The following LDLRAD3 variants were observed in gnomAD, a reference collection of about 807,000 sequenced individuals.
LDLRAD3 encodes the protein low density lipoprotein receptor class A domain containing 3.
Under a neutral mutation model 29.4 loss-of-function variants are expected in LDLRAD3, and 20 were observed. The observed-to-expected ratio is 0.68, with a 90% confidence interval of 0.48 to 0.99. The LOEUF (loss-of-function observed/expected upper bound fraction) is 0.99. Ranked by LOEUF, LDLRAD3 falls within the 50% of genes least tolerant of loss-of-function variation. The pLI, the probability that LDLRAD3 is intolerant of heterozygous loss-of-function variation, is 0.00. For synonymous variants in LDLRAD3, 157 were observed against 192.7 expected (o/e 0.81, Z 1.53); for missense variants, 420 against 454.3 (o/e 0.92, Z 0.69).
intron 1 of LDLRAD3, among the ~76,000 whole-genome samples, chr11:35,985,725 G>A (rs1490436862): frequency 1.3e-5 from 2 of 152,120 alleles, no homozygotes; most frequent in Non-Finnish European, 2.9e-5. Context: ...ATAAAGAGCA[G>A]TTCCCCTACA....
rs3080139 is a variant in LDLRAD3 at position 36,030,435 on chromosome 11, AGTGTGTGTGTGT to A, written c.47-5639_47-5628del. On this transcript the variant is annotated intron_variant, in intron 1 of 5. Coordinates refer to ENST00000315571, the MANE Select transcript of LDLRAD3 (RefSeq NM_174902.4). The stretch of plus-strand genomic sequence containing the variant: ...CTCACTGGCCTGTGCCTGTGCATGG[AGTGTGTGTGTGT>A]GTGTGTGTGTGTGTGTGTGTGTGTG... Among the ~76,000 whole-genome samples, 235 of 147,778 alleles carry A rather than the reference AGTGTGTGTGTGT, an allele frequency of 1.6e-3. 1 individual carries two copies. In the Middle Eastern group the frequency reaches 0.021, roughly 13 times the overall value.
chr11:35,971,523 A>C (rs759249561), intron 1 of LDLRAD3, among the ~76,000 whole-genome samples: 7 of 152,172 alleles, frequency 4.6e-5, no homozygotes, highest in Admixed American at 2.0e-4. Flanking sequence ...ATGCACATAC[A>C]CAGAGGAAGG....
intron 1 of LDLRAD3, among the ~76,000 whole-genome samples, chr11:35,990,143 C>A (rs375019887): frequency 6.6e-6 from 1 of 152,126 alleles, no homozygotes; most frequent in African/African-American, 2.4e-5. Context: ...TTTGAAAATG[C>A]CCAGCTCTCA....
chr11:35,976,304 T>C (rs1283690443), intron 1 of LDLRAD3, among the ~76,000 whole-genome samples: 1 of 152,112 alleles, frequency 6.6e-6, no homozygotes, highest in East Asian at 1.9e-4. Context: ...GGCATAGTTG[T>C]AGGGATTAGT....
intron 4 of LDLRAD3, among the ~76,000 whole-genome samples, chr11:36,145,060 G>A (rs1180593114): frequency 9.3e-6 from 1 of 107,458 alleles, no homozygotes; most frequent in Non-Finnish European, 2.0e-5. Flanking sequence ...CTACTGGGAA[G>A]AGAGGAGCCC....
intron 4 of LDLRAD3, among the ~76,000 whole-genome samples, chr11:36,172,243 G>A (rs1250215599): frequency 1.3e-5 from 2 of 152,038 alleles, no homozygotes; most frequent in Admixed American, 6.6e-5. Flanking sequence ...GAGTCTTTAG[G>A]GTTTTTTAGG....
In LDLRAD3 at chr11:35,989,010, G is replaced by A. The variant is rs894261595; in HGVS notation, c.46+44866G>A. The stretch of plus-strand genomic sequence containing the variant: ...TCTTCTGGGAGTCTTATAGTTTGTG[G>A]TCTTATATTTAAATCTCTATCTTGA... On this transcript the variant is annotated intron_variant, in intron 1 of 5. Coordinates refer to ENST00000315571, the MANE Select transcript of LDLRAD3 (RefSeq NM_174902.4). 3.9e-5 allele frequency: 6 copies of A among 152,090 alleles called. No homozygotes were observed. The East Asian group carries it at 1.2e-3, about 29-fold the overall frequency. 9.4% of individuals were successfully genotyped at this position (152,090 alleles called of 1,614,324 possible).
At chr11:36,134,810 C>G (rs1271989833) in intron 4 of LDLRAD3, among the ~76,000 whole-genome samples, 1 of 152,200 alleles carries the variant, frequency 6.6e-6, no homozygotes, top group Non-Finnish European at 1.5e-5. Context: ...TGATCTGCAG[C>G]AGGAAGAATA....
chr11:36,023,181 C>T (rs945779456), intron 1 of LDLRAD3, among the ~76,000 whole-genome samples: 3 of 152,142 alleles, frequency 2.0e-5, no homozygotes, highest in African/African-American at 7.2e-5. Context: ...TTTGATCTCC[C>T]TGGCGGGGTT....
intron 4 of LDLRAD3, among the ~76,000 whole-genome samples, chr11:36,119,509 T>TG (rs1853723088): frequency 6.6e-6 from 1 of 151,186 alleles, no homozygotes; most frequent in Non-Finnish European, 1.5e-5. Flanking sequence ...TCTGTGTTGT[T>TG]TTTTTTTTTG....
chr11:36,015,500 T>A (rs1852010944), intron 1 of LDLRAD3, among the ~76,000 whole-genome samples: 1 of 152,094 alleles, frequency 6.6e-6, no homozygotes, highest in Non-Finnish European at 1.5e-5. Flanking sequence ...GTAAACTTTT[T>A]ATAGAAACTT....
intron 2 of LDLRAD3, among the ~76,000 whole-genome samples, chr11:36,062,992 G>T (rs1009703887): frequency 6.6e-6 from 1 of 152,200 alleles, no homozygotes; most frequent in African/African-American, 2.4e-5. Flanking sequence ...GCAAGGAAAC[G>T]ATTATGATGA....
At chr11:36,129,435 T>C (rs1853891982) in intron 4 of LDLRAD3, among the ~76,000 whole-genome samples, 1 of 152,044 alleles carries the variant, frequency 6.6e-6, no homozygotes, top group Non-Finnish European at 1.5e-5. Context: ...AGAAGGCCAA[T>C]ATGAAAGTTG....
intron 4 of LDLRAD3, among the ~76,000 whole-genome samples, chr11:36,225,643 C>G (rs1354106710): frequency 6.6e-6 from 1 of 152,082 alleles, no homozygotes; most frequent in African/African-American, 2.4e-5. Flanking sequence ...ACGCACAACT[C>G]CTTACCTCCA....
At chr11:36,082,350 A>G (rs1465138819) in intron 3 of LDLRAD3, among the ~76,000 whole-genome samples, 1 of 152,126 alleles carries the variant, frequency 6.6e-6, no homozygotes, top group Non-Finnish European at 1.5e-5. Context: ...CTCTACAAAA[A>G]GTACAAAAGT....
At chr11:35,951,277 A>T (rs994240377) in intron 1 of LDLRAD3, among the ~76,000 whole-genome samples, 2 of 152,150 alleles carry the variant, frequency 1.3e-5, no homozygotes, top group African/African-American at 2.4e-5. Context: ...ATGGATTTAT[A>T]ATTATATACA....
chr11:35,970,666 G>A (rs943788610), intron 1 of LDLRAD3, among the ~76,000 whole-genome samples: 12 of 152,184 alleles, frequency 7.9e-5, no homozygotes, highest in African/African-American at 2.9e-4. Context: ...GAGGTGTTAA[G>A]CATCTTGCCC....
intron 4 of LDLRAD3, among the ~76,000 whole-genome samples, chr11:36,145,451 C>T (rs1170221887): frequency 8.9e-5 from 12 of 134,666 alleles, no homozygotes; most frequent in South Asian, 2.5e-4. Flanking sequence ...CCCGGCCGCC[C>T]CTACTGGGAA....
At chr11:36,016,622 G>C (rs1487766229) in intron 1 of LDLRAD3, among the ~76,000 whole-genome samples, 1 of 152,132 alleles carries the variant, frequency 6.6e-6, no homozygotes, top group African/African-American at 2.4e-5. Context: ...TAAGCAATTG[G>C]TTCTGAAGAA....
Sources: gnomAD v4.1 joint callset for allele counts (sites outside exome capture counted in the v4.1 genomes callset) on GRCh38, gnomAD v4.1.1 for gene constraint, MANE v1.5 for transcripts, NCBI Gene and HGNC (gene_info 2026-07-23, HGNC 2026-07-21) for gene names.